Variants in NXPH2 observed in about 807,000 individuals in gnomAD.
The protein encoded by NXPH2 is neurexophilin 2, also known as neurexophilin-2.
In NXPH2, 5 loss-of-function variants were observed where a neutral mutation model predicts 19.8. That is an observed-to-expected ratio of 0.25 (90% CI 0.13 to 0.53). The LOEUF (loss-of-function observed/expected upper bound fraction) is 0.53. Among genes scored for constraint, NXPH2 ranks in the 20% least tolerant of loss-of-function variants. The probability of loss-of-function intolerance (pLI) is 0.96; values close to 1 mark genes in which losing one functional copy is unlikely to be tolerated. For missense variants in NXPH2, 289 were observed against 322.8 expected (o/e 0.90, Z 0.80); for synonymous variants, 154 against 127.4 (o/e 1.21, Z -1.41).
chr2:138,761,409 C>G (rs951189328), intron 1 of NXPH2, among the ~76,000 whole-genome samples: 1 of 152,198 alleles, frequency 6.6e-6, no homozygotes, highest in African/African-American at 2.4e-5. Context: ...AGGACATACT[C>G]CTAGTCACAT....
chr2:138,696,540 C>T (rs1680832217), intron 1 of NXPH2, among the ~76,000 whole-genome samples: 1 of 152,140 alleles, frequency 6.6e-6, no homozygotes. Flanking sequence ...GACTTAAAAC[C>T]ACATGAGCTA....
chr2:138,711,009 T>C (rs1317294971), intron 1 of NXPH2, among the ~76,000 whole-genome samples: 1 of 152,150 alleles, frequency 6.6e-6, no homozygotes, highest in Non-Finnish European at 1.5e-5. Flanking sequence ...CCACTTAAAA[T>C]GAGGGGAGAT....
In NXPH2 at chr2:138,715,499, C is replaced by A. The variant is rs571130862; in HGVS notation, c.52-43834G>T. On this transcript the variant is annotated intron_variant, in intron 1 of 1. Transcript: ENST00000272641. ...GTGAATTATAACAAAGTGAACATAA[C>A]CCTGCTTATCAGGGTAAATAAACCA... 1.7e-4 allele frequency among the ~76,000 whole-genome samples: 26 copies of A among 152,218 alleles called. No homozygotes were observed. The South Asian group carries it at 3.9e-3, about 23-fold the overall frequency.
At chr2:138,761,519 C>T (rs1682017635) in intron 1 of NXPH2, among the ~76,000 whole-genome samples, 1 of 152,122 alleles carries the variant, frequency 6.6e-6, no homozygotes, top group African/African-American at 2.4e-5. Context: ...CTGTTGGTTT[C>T]AAGAAAGAAG....
At chr2:138,719,292 A>G (rs920309581) in intron 1 of NXPH2, among the ~76,000 whole-genome samples, 2 of 152,168 alleles carry the variant, frequency 1.3e-5, no homozygotes, top group Non-Finnish European at 2.9e-5. Flanking sequence ...CTATAAAGGT[A>G]AGAAAATTCT....
chr2:138,726,493 T>A (rs1319075781), intron 1 of NXPH2, among the ~76,000 whole-genome samples: 2 of 150,076 alleles, frequency 1.3e-5, no homozygotes, highest in African/African-American at 4.9e-5. Flanking sequence ...TTAATTTGCA[T>A]CTTTTTGGAA....
intron 1 of NXPH2, among the ~76,000 whole-genome samples, chr2:138,744,171 T>C (rs1408280843): frequency 6.6e-6 from 1 of 152,132 alleles, no homozygotes. Flanking sequence ...GTGTTTTCAG[T>C]AGGTATAATG....
At chr2:138,692,410 C>T (rs72860168) in intron 1 of NXPH2, among the ~76,000 whole-genome samples, 6,275 of 152,260 alleles carry the variant, frequency 0.041, 195 homozygotes, top group Non-Finnish European at 0.06. Flanking sequence ...ATATGTGTAA[C>T]GGAAGCTTTA....
At chr2:138,686,403 G>A (rs897529383) in intron 1 of NXPH2, among the ~76,000 whole-genome samples, 9 of 152,034 alleles carry the variant, frequency 5.9e-5, no homozygotes, top group African/African-American at 1.5e-4. Context: ...TTCATGTTAA[G>A]CTCCACCCAT....
intron 1 of NXPH2, among the ~76,000 whole-genome samples, chr2:138,745,144 A>C (rs1681705536): frequency 6.6e-6 from 1 of 152,194 alleles, no homozygotes; most frequent in South Asian, 2.1e-4. Flanking sequence ...GTAGCTGGGC[A>C]TGCCAGGTGC....
intron 1 of NXPH2, among the ~76,000 whole-genome samples, chr2:138,761,182 C>T (rs1382014692): frequency 6.6e-6 from 1 of 152,100 alleles, no homozygotes; most frequent in East Asian, 1.9e-4. Context: ...TTGAGCATAT[C>T]CAGTCCACCT....
rs1414556521 is a variant in NXPH2 at position 138,671,486 on chromosome 2, C to T, written c.231G>A (p.Met77Ile). ...KPGPMAYADS[M>I]ENFWDWLANI... ...TGGCCAGCCAATCCCAAAAGTTTTCCATGCTGTCTGCGTACGCCATGGGGC... is the reference window on the plus strand; with the variant it reads ...TGGCCAGCCAATCCCAAAAGTTTTCTATGCTGTCTGCGTACGCCATGGGGC... The change falls in exon 2 of 2, where the codon ATG becomes ATA. Residue 77 changes from methionine to isoleucine, a missense_variant. Transcript: ENST00000272641. The T allele has an allele frequency of 6.2e-7, 1 of 1,613,912 alleles. No homozygotes were observed.
chr2:138,714,032 A>T (rs1681152485), intron 1 of NXPH2, among the ~76,000 whole-genome samples: 2 of 152,132 alleles, frequency 1.3e-5, no homozygotes, highest in Non-Finnish European at 1.5e-5. Flanking sequence ...CAGCAAGAAG[A>T]GCTTCTTTCT....
At chr2:138,685,791 G>A (rs17598025) in intron 1 of NXPH2, among the ~76,000 whole-genome samples, 3,177 of 152,316 alleles carry the variant, frequency 0.021, 49 homozygotes, top group Non-Finnish European at 0.033. Context: ...ACTTGATGGT[G>A]ACTTAATCAC....
intron 1 of NXPH2, among the ~76,000 whole-genome samples, chr2:138,727,320 AG>A (rs1681374642): frequency 6.6e-6 from 1 of 152,184 alleles, no homozygotes; most frequent in Non-Finnish European, 1.5e-5. Flanking sequence ...CTGCCTTCAA[AG>A]TGGCTAAACC....
chr2:138,683,478 G>A (rs1376442378), intron 1 of NXPH2, among the ~76,000 whole-genome samples: 1 of 152,208 alleles, frequency 6.6e-6, no homozygotes, highest in East Asian at 1.9e-4. Context: ...TGAGGGATGA[G>A]GAGACGTATA....
chr2:138,733,028 T>G (rs1443553281), intron 1 of NXPH2, among the ~76,000 whole-genome samples: 1 of 152,246 alleles, frequency 6.6e-6, no homozygotes, highest in Admixed American at 6.5e-5. Flanking sequence ...CTTGTTCTGT[T>G]TGACATGCAC....
At chr2:138,711,744 C>T (rs12476248) in intron 1 of NXPH2, among the ~76,000 whole-genome samples, 49,178 of 152,026 alleles carry the variant, frequency 0.32, 8,919 homozygotes, top group Non-Finnish European at 0.42. Flanking sequence ...CTCCTGACTG[C>T]CCATGTTGGG....
At chr2:138,772,783 A>C (rs1214965559) in intron 1 of NXPH2, among the ~76,000 whole-genome samples, 4 of 152,208 alleles carry the variant, frequency 2.6e-5, no homozygotes, top group Non-Finnish European at 5.9e-5. Context: ...TCTGGGTGTC[A>C]GTGATGAGTA....
Sources: allele counts gnomAD v4.1 joint callset (sites outside exome capture counted in the v4.1 genomes callset), GRCh38; gene constraint gnomAD v4.1.1; transcripts MANE v1.5; gene names NCBI Gene and HGNC (gene_info 2026-07-23, HGNC 2026-07-21).